The following NDFIP1 variants were observed in gnomAD, a reference collection of about 807,000 sequenced individuals.
NDFIP1 encodes Nedd4 family interacting protein 1.
A neutral mutation model predicts 28.8 loss-of-function variants in NDFIP1; 7 were observed. The observed-to-expected ratio is 0.24, with a 90% CI of 0.14 to 0.46. The LOEUF (loss-of-function observed/expected upper bound fraction) is 0.46, where lower values mean the gene tolerates loss of function less well. NDFIP1 is among the 20% of genes least tolerant of loss of function. NDFIP1 has a pLI of 0.99. For missense variants in NDFIP1, 194 were observed against 269.1 expected (o/e 0.72, Z 1.95); for synonymous variants, 92 against 101.0 (o/e 0.91, Z 0.53).
chr5:142,124,598 CA>C (rs1252427751), intron 1 of NDFIP1, among the ~76,000 whole-genome samples: 3 of 152,144 alleles, frequency 2.0e-5, no homozygotes, highest in Non-Finnish European at 2.9e-5. Context: ...GGATTTACTG[CA>C]AAATTAGGGT....
intron 1 of NDFIP1, among the ~76,000 whole-genome samples, chr5:142,123,373 G>A (rs568424622): frequency 6.6e-6 from 1 of 152,100 alleles, no homozygotes; most frequent in African/African-American, 2.4e-5. Flanking sequence ...GGCTCAAGCA[G>A]TCCTTCCACC....
intron 7 of NDFIP1, among the ~76,000 whole-genome samples, chr5:142,149,108 T>C (rs540874621): frequency 1.3e-5 from 2 of 152,208 alleles, no homozygotes; most frequent in Non-Finnish European, 2.9e-5. Context: ...CTAGCATTAA[T>C]GAGCTAGGGC....
At chr5:142,146,260 G>A (rs906259757) in intron 7 of NDFIP1, among the ~76,000 whole-genome samples, 1 of 152,222 alleles carries the variant, frequency 6.6e-6, no homozygotes. Context: ...GTCTGAAAAT[G>A]TGTAGCATGT....
intron 1 of NDFIP1, among the ~76,000 whole-genome samples, chr5:142,114,234 T>G (rs1191792787): frequency 1.3e-5 from 2 of 152,192 alleles, no homozygotes; most frequent in South Asian, 4.1e-4. Flanking sequence ...TCTTTTTTGT[T>G]TTTGTTTTTT....
At chr5:142,122,484 C>T (rs957696194) in intron 1 of NDFIP1, among the ~76,000 whole-genome samples, 1 of 152,114 alleles carries the variant, frequency 6.6e-6, no homozygotes, top group Non-Finnish European at 1.5e-5. Context: ...CTTTTGGTAT[C>T]ATATGTAAAT....
intron 3 of NDFIP1, among the ~76,000 whole-genome samples, chr5:142,134,233 C>G (rs908979989): frequency 1.3e-5 from 2 of 152,118 alleles, no homozygotes; most frequent in Non-Finnish European, 2.9e-5. Flanking sequence ...GCAGCAATTT[C>G]TAGGATGCAT....
At chr5:142,146,811 GTC>G (rs945394591) in intron 7 of NDFIP1, among the ~76,000 whole-genome samples, 1 of 152,152 alleles carries the variant, frequency 6.6e-6, no homozygotes, top group Admixed American at 6.5e-5. Context: ...AAGCCTGAAC[GTC>G]TCAGTTTTCC....
intron 7 of NDFIP1, among the ~76,000 whole-genome samples, chr5:142,148,778 G>GA (rs1426095546): frequency 2.0e-5 from 1 of 51,012 alleles, no homozygotes; most frequent in Non-Finnish European, 4.6e-5. Context: ...AAAAAAAAAA[G>GA]TATGTGACTG....
chr5:142,152,664 G>A lies in NDFIP1; in HGVS notation c.*936G>A, dbSNP rs1014605133. On this transcript the variant is annotated 3_prime_UTR_variant, in exon 8 of 8. Transcript: ENST00000253814. ...TTTTACAATGTGTTAGCAGAAACCA[G>A]TGGGTTATAATGTAGAATGATGTGC... 1.3e-5 allele frequency: 2 copies of A among 155,112 alleles called. No individual in the cohort carries two copies. The highest frequency in any genetic ancestry group is 4.0e-4 in the South Asian group (2 of 4,944). 9.6% of individuals were successfully genotyped at this position (155,112 alleles called of 1,614,324 possible). A position where few individuals can be genotyped will look rare whatever the true frequency, so the allele number is the denominator to read the frequency against.
intron 7 of NDFIP1, among the ~76,000 whole-genome samples, chr5:142,145,181 C>G (rs249643): frequency 0.68 from 102,694 of 152,110 alleles, 35,017 homozygotes; most frequent in African/African-American, 0.78. Flanking sequence ...AGGCTTTCCC[C>G]ATGGCTTTCT....
intron 1 of NDFIP1, among the ~76,000 whole-genome samples, chr5:142,114,087 G>A (rs1156550208): frequency 6.6e-6 from 1 of 152,110 alleles, no homozygotes; most frequent in African/African-American, 2.4e-5. Context: ...GAATTGCTGG[G>A]TCATACGGCA....
At position 142,151,838 on chromosome 5, in the gene NDFIP1, G is replaced by A. The variant is rs914404151; in HGVS notation, c.*110G>A. On this transcript the variant is annotated 3_prime_UTR_variant, in exon 8 of 8. Transcript: ENST00000253814. ...GCAGAACACAGAGGAATAATCACCT[G>A]CTTTAAAAAAATAAAGTACTGTTGA... 2.0e-5 allele frequency: 3 copies of A among 152,668 alleles called. No homozygotes were observed. The highest frequency in any genetic ancestry group is 6.5e-5 in the Admixed American group (1 of 15,278). The allele number at this position is 152,668 out of a possible 1,614,324, so 9.5% of individuals were successfully genotyped here.
intron 3 of NDFIP1, among the ~76,000 whole-genome samples, chr5:142,134,418 G>A (rs995703064): frequency 1.3e-5 from 2 of 152,138 alleles, no homozygotes; most frequent in Non-Finnish European, 2.9e-5. Context: ...AGAATACTAG[G>A]TATTTAATGT....
In NDFIP1 at chr5:142,152,052, G is replaced by A. The variant is rs137944552; in HGVS notation, c.*324G>A. ...AGCATGAGCCATGTCCCTGTAGTCGGTAGGGGGCAGTCTTGCTTTATTCAT... is the reference window on the plus strand; with the variant it reads ...AGCATGAGCCATGTCCCTGTAGTCGATAGGGGGCAGTCTTGCTTTATTCAT... On this transcript the variant is annotated 3_prime_UTR_variant, in exon 8 of 8. Coordinates refer to ENST00000253814, the MANE Select transcript of NDFIP1 (RefSeq NM_030571.4). 0.011 allele frequency: 1,660 copies of A among 152,854 alleles called. 12 individuals carry two copies. Among genetic ancestry groups the A allele is most frequent in the Middle Eastern group, 0.034 (10 of 292 alleles). 9.5% of individuals were successfully genotyped at this position (152,854 alleles called of 1,614,324 possible).
intron 1 of NDFIP1, among the ~76,000 whole-genome samples, chr5:142,121,486 T>A (rs1757121836): frequency 6.6e-6 from 1 of 152,248 alleles, no homozygotes; most frequent in African/African-American, 2.4e-5. Flanking sequence ...GACCTGTGAC[T>A]GCCATCCAAA....
chr5:142,144,979 G>A (rs1757373222), intron 7 of NDFIP1, among the ~76,000 whole-genome samples: 1 of 152,216 alleles, frequency 6.6e-6, no homozygotes, highest in Admixed American at 6.5e-5. Context: ...CTGAATTCCA[G>A]CATCCTGAAG....
chr5:142,142,930 A>ATATAT (rs1449865563), intron 6 of NDFIP1: 2 of 75,350 alleles, frequency 2.7e-5, no homozygotes, highest in African/African-American at 8.1e-5. Flanking sequence ...AAAAAAAAAA[A>ATATAT]AAAAAAAAAA....
Position 142,150,334 on chromosome 5 carries a change from GTGTCTC to G in NDFIP1, c.*3-1387_*3-1382del, listed in dbSNP as rs144916650. Among the ~76,000 whole-genome samples the G allele has an allele frequency of 9.8e-3, 1,472 of 150,830 alleles. 24 individuals carry two copies. The highest frequency in any genetic ancestry group is 0.034 in the African/African-American group (1,407 of 40,984). ...GGCTTTTAGAGTTCCTCATATTTTT[GTGTCTC>G]TGTCTCTGTGCTTTCCGAGGTCTTT... On this transcript the variant is annotated intron_variant, in intron 7 of 7. Coordinates refer to ENST00000253814, the MANE Select transcript of NDFIP1 (RefSeq NM_030571.4).
Position 142,153,359 on chromosome 5 carries a change from A to T in NDFIP1, c.*1631A>T, listed in dbSNP as rs908392680. 4.4e-6 allele frequency: 2 copies of T among 456,792 alleles called. No individual in the cohort carries two copies. The highest frequency in any genetic ancestry group is 8.8e-6 in the Non-Finnish European group (2 of 226,964). 28.3% of individuals were successfully genotyped at this position (456,792 alleles called of 1,614,324 possible). ...CACCAGCACAGTCTGATAGCTGCAA[A>T]TGTCCATTCATCTGCTGTGTATGTA... On this transcript the variant is annotated 3_prime_UTR_variant, in exon 8 of 8. Transcript: ENST00000253814.
Sources: allele counts gnomAD v4.1 joint callset (sites outside exome capture counted in the v4.1 genomes callset), GRCh38; gene constraint gnomAD v4.1.1; transcripts MANE v1.5; gene names NCBI Gene and HGNC (gene_info 2026-07-23, HGNC 2026-07-21).